The following FBXL17 variants were observed in gnomAD, a reference collection of about 807,000 sequenced individuals.
FBXL17 encodes the protein F-box and leucine rich repeat protein 17.
In FBXL17, 22 loss-of-function variants were observed where a neutral mutation model predicts 66.2. That is an observed-to-expected ratio of 0.33 (90% CI 0.24 to 0.47). FBXL17 has a LOEUF of 0.47. FBXL17 is among the 20% of genes least tolerant of loss of function. The probability of loss-of-function intolerance (pLI) is 1.00; values close to 1 mark genes in which losing one functional copy is unlikely to be tolerated. For synonymous variants in FBXL17, 474 were observed against 400.5 expected, an observed-to-expected ratio of 1.18 and a Z score of -2.19; for missense variants, 878 against 948.2, an observed-to-expected ratio of 0.93 and a Z score of 0.97.
rs1394273668 is a variant in FBXL17, at chr5:108,381,667, G to A, written c.25C>T (p.Pro9Ser). ...CTCTTCTGGCTCGGGCGGTTACGCG[G>A]CTCCTTCGAGAGAAGGTGGCCCATA... Reference protein sequence around the residue: MGHLLSKEPRNRPSQKRPR... With the variant: MGHLLSKESRNRPSQKRPR... The change falls in exon 1 of 9, where the codon CCG becomes TCG. Residue 9 changes from proline to serine, a missense_variant. Around this residue, in one of 4 missense-constraint regions of FBXL17, gnomAD observed 605 missense variants for 509.5 expected, o/e 1.19. Transcript: ENST00000542267. 2.7e-6 allele frequency: 4 copies of A among 1,472,622 alleles called. No individual in the cohort carries two copies. Among genetic ancestry groups the A allele is most frequent in the African/African-American group, 2.9e-5 (2 of 68,268 alleles). The allele number at this position is 1,472,622 out of a possible 1,614,324, so 91.2% of individuals were successfully genotyped here. A position where few individuals can be genotyped will look rare whatever the true frequency, so the allele number is the denominator to read the frequency against.
At chr5:108,160,008 T>A (rs1443308849) in intron 6 of FBXL17, among the ~76,000 whole-genome samples, 1 of 74,368 alleles carries the variant, frequency 1.3e-5, no homozygotes, top group Non-Finnish European at 2.4e-5. Flanking sequence ...TACATAGATA[T>A]CCCTGTCAAA....
chr5:108,381,073 A>C lies in FBXL17; in HGVS notation c.619T>G (p.Cys207Gly). ...CAGCGGGGCTGCTTGCAGGGGGTGC[A>C]GGCGGGGACCCCGGCCCCCTTCCGC... ...CKRKGAGVPACTPCKQPRCGG... is the reference protein window; with the variant it reads ...CKRKGAGVPAGTPCKQPRCGG... The change falls in exon 1 of 9, where the codon TGC (cysteine) becomes GGC (glycine). Residue 207 changes from cysteine (C) to glycine (G), a missense_variant. Physicochemically the swap from Cys to Gly is radical, Grantham distance 159. This residue lies in a region of FBXL17 where 605 missense variants were observed against 509.5 expected (regional missense o/e 1.19). Transcript: ENST00000542267. 8.1e-7 allele frequency: 1 copy of C among 1,236,980 alleles called. No homozygotes were observed. Among genetic ancestry groups the C allele is most frequent in the East Asian group, 3.2e-5 (1 of 31,034 alleles). 76.6% of individuals were successfully genotyped at this position (1,236,980 alleles called of 1,614,324 possible). A position where few individuals can be genotyped will look rare whatever the true frequency, so the allele number is the denominator to read the frequency against.
intron 7 of FBXL17, among the ~76,000 whole-genome samples, chr5:107,979,389 A>T (rs1330755076): frequency 1.3e-5 from 2 of 152,260 alleles, no homozygotes; most frequent in Admixed American, 6.5e-5. Flanking sequence ...AAGTGGACCC[A>T]TCAATGTTAA....
chr5:108,138,138 A>C (rs1413643435), intron 6 of FBXL17, among the ~76,000 whole-genome samples: 1 of 152,234 alleles, frequency 6.6e-6, no homozygotes, highest in Non-Finnish European at 1.5e-5. Context: ...TAATTTGTCT[A>C]AAGTTATTTT....
intron 6 of FBXL17, among the ~76,000 whole-genome samples, chr5:108,062,525 A>G (rs1425248744): frequency 2.0e-5 from 3 of 152,160 alleles, no homozygotes; most frequent in South Asian, 2.1e-4. Flanking sequence ...CTCTAAAGGA[A>G]GTCATAAATA....
chr5:108,196,250 T>G (rs969297938), intron 5 of FBXL17, among the ~76,000 whole-genome samples: 10 of 151,894 alleles, frequency 6.6e-5, no homozygotes, highest in African/African-American at 2.2e-4. Flanking sequence ...AAAAAACGCT[T>G]ATAGCAATAG....
intron 7 of FBXL17, among the ~76,000 whole-genome samples, chr5:107,919,527 C>G (rs540164542): frequency 2.8e-4 from 42 of 152,302 alleles, no homozygotes; most frequent in African/African-American, 9.6e-4. Context: ...TTTTTACACG[C>G]TCCAGTGTCT....
At chr5:108,360,101 A>AAAAC (rs1748249950) in intron 3 of FBXL17, among the ~76,000 whole-genome samples, 1 of 152,144 alleles carries the variant, frequency 6.6e-6, no homozygotes, top group Non-Finnish European at 1.5e-5. Flanking sequence ...TTTGGATAAT[A>AAAAC]AAACAGCTAT....
At chr5:107,960,871 T>C (rs1233771640) in intron 7 of FBXL17, among the ~76,000 whole-genome samples, 2 of 152,114 alleles carry the variant, frequency 1.3e-5, no homozygotes, top group Non-Finnish European at 2.9e-5. Flanking sequence ...ATCCAAACTG[T>C]AGGGAGTTCC....
chr5:108,298,246 C>G, intron 4 of FBXL17: 1 of 984,428 alleles, frequency 1.0e-6, no homozygotes, highest in South Asian at 4.7e-5. Flanking sequence ...AAGTTATAGT[C>G]TTCTTGCTAC....
intron 6 of FBXL17, among the ~76,000 whole-genome samples, chr5:108,133,722 C>T (rs1387731804): frequency 1.3e-5 from 2 of 151,992 alleles, no homozygotes; most frequent in Non-Finnish European, 2.9e-5. Flanking sequence ...GAAGAAAAGA[C>T]AAAAAAATGT....
chr5:108,173,111 T>G (rs1403229598), intron 6 of FBXL17, among the ~76,000 whole-genome samples: 6 of 152,268 alleles, frequency 3.9e-5, no homozygotes, highest in African/African-American at 1.4e-4. Context: ...AACAGCAGTT[T>G]TCTAATTGAA....
intron 1 of FBXL17, among the ~76,000 whole-genome samples, chr5:108,375,338 T>C (rs1421478989): frequency 6.7e-6 from 1 of 149,220 alleles, no homozygotes; most frequent in Non-Finnish European, 1.5e-5. Context: ...ATCACACCAC[T>C]GCACTCAAGC....
At chr5:108,176,305 G>A (rs747100942) in intron 6 of FBXL17, among the ~76,000 whole-genome samples, 10 of 152,136 alleles carry the variant, frequency 6.6e-5, no homozygotes, top group South Asian at 2.1e-4. Context: ...AGCTAAATGC[G>A]TACCTCTGTT....
Position 108,381,846 on chromosome 5 carries a change from G to T in FBXL17, c.-155C>A. 7.7e-7 allele frequency: 1 copy of T among 1,297,814 alleles called. No homozygotes were observed. The highest frequency in any genetic ancestry group is 9.8e-7 in the Non-Finnish European group (1 of 1,023,590). 80.4% of individuals were successfully genotyped at this position (1,297,814 alleles called of 1,614,324 possible). On this transcript the variant is annotated 5_prime_UTR_variant, in exon 1 of 9. Coordinates refer to ENST00000542267, the MANE Select transcript of FBXL17 (RefSeq NM_001163315.3). Reference sequence around the variant, plus strand: ...CACACACGGGCACACACGCGACGGTGGGGGGTGGGCGTCAGCTGCGGGCCG... The same window carrying T: ...CACACACGGGCACACACGCGACGGTTGGGGGTGGGCGTCAGCTGCGGGCCG...
chr5:107,942,220 T>G (rs918266781), intron 7 of FBXL17, among the ~76,000 whole-genome samples: 1 of 152,144 alleles, frequency 6.6e-6, no homozygotes, highest in African/African-American at 2.4e-5. Flanking sequence ...CCACCATGGT[T>G]CCTCAGCTCG....
Position 107,898,261 on chromosome 5 carries a change from G to A in FBXL17, c.1823-17082C>T, listed in dbSNP as rs150555381. ...ACCATAAACACTTTTAGTGAAAAAGGAAAACAGACAACAATTATGCTGTAT... is the reference window on the plus strand; with the variant it reads ...ACCATAAACACTTTTAGTGAAAAAGAAAAACAGACAACAATTATGCTGTAT... On this transcript the variant is annotated intron_variant, in intron 7 of 8. Transcript: ENST00000542267. Among the ~76,000 whole-genome samples the A allele has an allele frequency of 7.7e-3, 1,176 of 152,078 alleles. 14 individuals carry two copies. Among genetic ancestry groups the A allele is most frequent in the African/African-American group, 0.027 (1,116 of 41,496 alleles).
At chr5:108,311,400 G>A (rs1381350467) in intron 4 of FBXL17, among the ~76,000 whole-genome samples, 1 of 152,034 alleles carries the variant, frequency 6.6e-6, no homozygotes, top group Admixed American at 6.6e-5. Flanking sequence ...TTGAACTCCT[G>A]ACCTCAGGTG....
intron 7 of FBXL17, among the ~76,000 whole-genome samples, chr5:107,902,781 G>T (rs1483916205): frequency 6.6e-6 from 1 of 151,054 alleles, no homozygotes; most frequent in Non-Finnish European, 1.5e-5. Context: ...GAGATTTTAT[G>T]CATGCACTTT....
Sources: allele counts gnomAD v4.1 joint callset (sites outside exome capture counted in the v4.1 genomes callset), GRCh38; gene constraint gnomAD v4.1.1; regional missense constraint gnomAD v4.1.1; transcripts MANE v1.5; gene names NCBI Gene and HGNC (gene_info 2026-07-23, HGNC 2026-07-21).